Variants in TBCA observed in about 807,000 individuals in gnomAD.
The protein encoded by TBCA is tubulin folding cofactor A, also known as tubulin-specific chaperone A.
In TBCA, 6 loss-of-function variants were observed where a neutral mutation model predicts 15.8. The observed-to-expected ratio is 0.38, with a 90% CI of 0.21 to 0.75. The LOEUF is 0.75. TBCA is among the 30% of genes least tolerant of loss of function. The pLI, the probability that TBCA is intolerant of heterozygous loss-of-function variation, is 0.46. For missense variants in TBCA, 90 were observed against 131.2 expected, an observed-to-expected ratio of 0.69 and a Z score of 1.53; for synonymous variants, 32 against 42.3, an observed-to-expected ratio of 0.76 and a Z score of 0.94.
chr5:77,734,432 A>T (rs1383033281), intron 1 of TBCA, among the ~76,000 whole-genome samples: 1 of 152,162 alleles, frequency 6.6e-6, no homozygotes, highest in Non-Finnish European at 1.5e-5. Flanking sequence ...TATTAGCAAG[A>T]GTTTGGGGGA....
intron 1 of TBCA, among the ~76,000 whole-genome samples, chr5:77,756,121 C>A (rs1301249948): frequency 6.6e-6 from 1 of 152,132 alleles, no homozygotes; most frequent in Non-Finnish European, 1.5e-5. Context: ...AAAGGAGGAA[C>A]CAGACCGCAG....
intron 1 of TBCA, among the ~76,000 whole-genome samples, chr5:77,758,583 C>CT (rs1349941875): frequency 6.6e-6 from 1 of 152,196 alleles, no homozygotes; most frequent in East Asian, 1.9e-4. Context: ...AACACGGTGT[C>CT]TGAGAGGTTT....
At chr5:77,707,392 T>C (rs977892532) in intron 2 of TBCA, among the ~76,000 whole-genome samples, 1 of 152,128 alleles carries the variant, frequency 6.6e-6, no homozygotes, top group African/African-American at 2.4e-5. Flanking sequence ...CTAACTCAGT[T>C]TGAGGTGAGA....
intron 1 of TBCA, among the ~76,000 whole-genome samples, chr5:77,728,436 G>C (rs771054681): frequency 1.6e-4 from 24 of 152,084 alleles, no homozygotes; most frequent in Non-Finnish European, 3.2e-4. Context: ...GGAGAAACCA[G>C]TATTATAAAC....
chr5:77,751,473 C>T (rs984604939), intron 1 of TBCA, among the ~76,000 whole-genome samples: 4 of 151,858 alleles, frequency 2.6e-5, no homozygotes, highest in African/African-American at 9.7e-5. Context: ...GCCACCGCGC[C>T]GGCCAGCCTG....
chr5:77,761,034 T>C (rs426057), intron 1 of TBCA, among the ~76,000 whole-genome samples: 90,427 of 146,728 alleles, frequency 0.62, 27,966 homozygotes, highest in African/African-American at 0.64. Flanking sequence ...TCTGCCCGGC[T>C]GCCGCCCCGT....
At chr5:77,773,298 T>C (rs928182401) in intron 1 of TBCA, among the ~76,000 whole-genome samples, 3 of 152,214 alleles carry the variant, frequency 2.0e-5, no homozygotes, top group African/African-American at 2.4e-5. Flanking sequence ...TTGGTCCTTT[T>C]CCTTGCATTG....
intron 2 of TBCA, chr5:77,705,593 T>G (rs963380763): frequency 7.5e-6 from 3 of 398,424 alleles, no homozygotes; most frequent in African/African-American, 6.2e-5. Context: ...TCTGAGAGGC[T>G]GGGGTGGGAG....
intron 1 of TBCA, among the ~76,000 whole-genome samples, chr5:77,744,531 CT>C (rs70991305): frequency 0.076 from 6,315 of 82,630 alleles, 39 homozygotes; most frequent in Middle Eastern, 0.14. Flanking sequence ...TCTTATTCAC[CT>C]TTTTTTTTTT....
intron 2 of TBCA, among the ~76,000 whole-genome samples, chr5:77,703,095 T>C (rs74319422): frequency 0.019 from 2,861 of 151,890 alleles, 90 homozygotes; most frequent in African/African-American, 0.066. Flanking sequence ...TTTCAAAGAG[T>C]AAAAAAAAGC....
chr5:77,748,371 G>C (rs1233238336), intron 1 of TBCA, among the ~76,000 whole-genome samples: 2 of 151,432 alleles, frequency 1.3e-5, no homozygotes, highest in African/African-American at 4.9e-5. Context: ...TGTGTGGAGA[G>C]AGAGATATGG....
chr5:77,744,446 C>T (rs1216190309), intron 1 of TBCA, among the ~76,000 whole-genome samples: 2 of 150,252 alleles, frequency 1.3e-5, no homozygotes. Flanking sequence ...GGAAGTTTGT[C>T]ATAACCTCCT....
chr5:77,706,824 A>AAG (rs1746161427), intron 2 of TBCA, among the ~76,000 whole-genome samples: 1 of 151,110 alleles, frequency 6.6e-6, no homozygotes, highest in Non-Finnish European at 1.5e-5. Context: ...AAAAAAAAAA[A>AAG]AAAAGAAAGA....
At chr5:77,751,287 G>A (rs1206231059) in intron 1 of TBCA, among the ~76,000 whole-genome samples, 1 of 150,818 alleles carries the variant, frequency 6.6e-6, no homozygotes, top group East Asian at 2.0e-4. Flanking sequence ...TCAGCTTCCT[G>A]GGTAGCTGGG....
chr5:77,718,757 A>G (rs982183102), intron 1 of TBCA, among the ~76,000 whole-genome samples: 1 of 152,200 alleles, frequency 6.6e-6, no homozygotes, highest in East Asian at 1.9e-4. Flanking sequence ...ATAAAACAAA[A>G]GTGTGCTACC....
chr5:77,693,547 C>A, intron 2 of TBCA, 195 bp from the exon 3 acceptor site: 2 of 683,408 alleles, frequency 2.9e-6, no homozygotes, highest in Non-Finnish European at 4.8e-6. Flanking sequence ...GCCTGTAATC[C>A]CAGCATTTTG....
Position 77,715,126 on chromosome 5 carries a change from A to T in TBCA, c.54-6779T>A, listed in dbSNP as rs1289469987. On this transcript the variant is annotated intron_variant, in intron 1 of 3. Coordinates refer to ENST00000380377, the MANE Select transcript of TBCA (RefSeq NM_004607.3). The stretch of plus-strand genomic sequence containing the variant: ...GGACACATGAGTTAAGATTTCAAAG[A>T]GGCAATAAGCTATGTAAATAACTGA... 101 of 627,070 alleles carry T rather than the reference A, an allele frequency of 1.6e-4. 2 individuals carry two copies. The South Asian group carries it at 1.9e-3, about 12-fold the overall frequency. 38.8% of individuals were successfully genotyped at this position (627,070 alleles called of 1,614,324 possible). A position where few individuals can be genotyped will look rare whatever the true frequency, so the allele number is the denominator to read the frequency against.
At position 77,708,360 on chromosome 5, in the gene TBCA, C is replaced by A. The variant is rs1320601786; in HGVS notation, c.54-13G>T. On this transcript the variant is annotated splice_polypyrimidine_tract_variant and intron_variant, in intron 1 of 3. Transcript: ENST00000380377. Reference sequence around the variant, plus strand: ...TTCTTTGACCAACCTATAAAAAAGCCAAAAATGTTTTAGAAAATTAGCTTT... The same window carrying A: ...TTCTTTGACCAACCTATAAAAAAGCAAAAAATGTTTTAGAAAATTAGCTTT... 2 of 1,551,198 alleles carry A rather than the reference C, an allele frequency of 1.3e-6. No homozygotes were observed. Among genetic ancestry groups the A allele is most frequent in the Non-Finnish European group, 1.8e-6 (2 of 1,129,702 alleles).
intron 1 of TBCA, among the ~76,000 whole-genome samples, chr5:77,768,468 A>C (rs572428052): frequency 1.4e-3 from 207 of 152,342 alleles, no homozygotes; most frequent in Non-Finnish European, 2.3e-3. Flanking sequence ...GCAAGAATAA[A>C]TAACTATTCT....
Sources: allele counts gnomAD v4.1 joint callset (sites outside exome capture counted in the v4.1 genomes callset), GRCh38; gene constraint gnomAD v4.1.1; transcripts MANE v1.5; gene names NCBI Gene and HGNC (gene_info 2026-07-23, HGNC 2026-07-21).